Variants in METTL15 observed in about 807,000 individuals in gnomAD.
METTL15 encodes the protein 12S rRNA N(4)-cytidine methyltransferase METTL15.
METTL15 carries 34 observed loss-of-function variants against 38.3 expected under a neutral mutation model. That is an observed-to-expected ratio of 0.89 (90% confidence interval 0.68 to 1.18). METTL15 has a LOEUF of 1.18. Ranked by LOEUF, METTL15 falls within the 50% of genes most tolerant of loss-of-function variation. The pLI, the probability that METTL15 is intolerant of heterozygous loss-of-function variation, is 0.00. For synonymous variants in METTL15, 162 were observed against 170.9 expected (o/e 0.95, Z 0.41); for missense variants, 438 against 498.4 (o/e 0.88, Z 1.15).
At chr11:28,467,076 A>G (rs1015975832) in intron 6 of METTL15, among the ~76,000 whole-genome samples, 1 of 152,092 alleles carries the variant, frequency 6.6e-6, no homozygotes, top group African/African-American at 2.4e-5. Flanking sequence ...CTCCCTACAT[A>G]TCGTTTTAAA....
At position 28,130,048 on chromosome 11, in the gene METTL15, G is replaced by A. The variant is rs561552819; in HGVS notation, c.270+16444G>A. Reference sequence around the variant, plus strand: ...TACCAGGCTTGGCATGGTGGCTCACGCATATAATCCCAGCCCTTTGAGAGG... The same window carrying A: ...TACCAGGCTTGGCATGGTGGCTCACACATATAATCCCAGCCCTTTGAGAGG... On this transcript the variant is annotated intron_variant, in intron 3 of 6. Coordinates refer to ENST00000407364, the MANE Select transcript of METTL15 (RefSeq NM_001113528.2). 2.6e-5 allele frequency among the ~76,000 whole-genome samples: 4 copies of A among 152,210 alleles called. No individual in the cohort carries two copies. In the South Asian group the frequency reaches 8.3e-4, roughly 32 times the overall value.
intron 6 of METTL15, among the ~76,000 whole-genome samples, chr11:28,455,766 G>A (rs944214339): frequency 5.9e-5 from 9 of 152,032 alleles, no homozygotes; most frequent in Non-Finnish European, 1.3e-4. Flanking sequence ...GAGTTCACTG[G>A]TGCTATCTCG....
At chr11:28,266,977 T>G (rs2133949801) in intron 4 of METTL15, among the ~76,000 whole-genome samples, 1 of 152,000 alleles carries the variant, frequency 6.6e-6, no homozygotes, top group South Asian at 2.1e-4. Flanking sequence ...CTGGCCAACA[T>G]GGTGAAACCC....
rs1177003465 is a variant in METTL15 at position 28,331,408 on chromosome 11, T to A, written c.*567T>A. The A allele has an allele frequency of 6.6e-6, 1 of 151,598 alleles. No individual in the cohort carries two copies. The highest frequency in any genetic ancestry group is 1.5e-5 in the Non-Finnish European group (1 of 67,854). The allele number at this position is 151,598 out of a possible 1,614,324, so 9.4% of individuals were successfully genotyped here. A position where few individuals can be genotyped will look rare whatever the true frequency, so the allele number is the denominator to read the frequency against. ...TCATCTTTCAAATTATAGTCTATTATTTTAAAGGGATTTTTCAGTATGATA... is the reference window on the plus strand; with the variant it reads ...TCATCTTTCAAATTATAGTCTATTAATTTAAAGGGATTTTTCAGTATGATA... On this transcript the variant is annotated 3_prime_UTR_variant, in exon 7 of 7. Coordinates refer to ENST00000407364, the MANE Select transcript of METTL15 (RefSeq NM_001113528.2).
At chr11:28,222,894 GACA>G (rs1853306622) in intron 4 of METTL15, among the ~76,000 whole-genome samples, 1 of 152,156 alleles carries the variant, frequency 6.6e-6, no homozygotes, top group East Asian at 1.9e-4. Flanking sequence ...CTAGAGAGAA[GACA>G]ACAAAACATA....
chr11:28,254,466 G>C (rs536172828), intron 4 of METTL15, among the ~76,000 whole-genome samples: 1 of 152,032 alleles, frequency 6.6e-6, no homozygotes, highest in Admixed American at 6.6e-5. Flanking sequence ...ATACTTTGCT[G>C]TGCAGAAGCT....
intron 6 of METTL15, among the ~76,000 whole-genome samples, chr11:28,483,297 G>A (rs1274956235): frequency 6.6e-6 from 1 of 152,130 alleles, no homozygotes; most frequent in East Asian, 1.9e-4. Flanking sequence ...TGACTCATGG[G>A]CCTGATGTCG....
rs181340976 is a variant in METTL15 at position 28,348,063 on chromosome 11, A to G, written c.*190-4027A>G. ...TCCTATGAGATTGCACATGATATCT[A>G]TGTGTCCCATTACTGATGGTGTTTG... is the stretch of plus-strand genomic sequence containing the variant. On this transcript the variant is annotated intron_variant and NMD_transcript_variant, in intron 3 of 7. Coordinates refer to the METTL15 transcript ENST00000532947. Among the ~76,000 whole-genome samples the G allele has an allele frequency of 6.7e-4, 102 of 152,284 alleles. 1 individual carries two copies. Among genetic ancestry groups the G allele is most frequent in the Middle Eastern group, 3.4e-3 (1 of 294 alleles).
At position 28,368,273 on chromosome 11, in the gene METTL15, A is replaced by G. The variant is rs570700958; in HGVS notation, c.*358+6237A>G. Among the ~76,000 whole-genome samples, 3 of 152,286 alleles carry G rather than the reference A, an allele frequency of 2.0e-5. No homozygotes were observed. In the East Asian group the frequency reaches 5.8e-4, roughly 29 times the overall value. Reference sequence around the variant, plus strand: ...TCCATCTGACAAAGGGCTAATATCCAGAACCTACAAAGAACTTAAACAAAT... The same window carrying G: ...TCCATCTGACAAAGGGCTAATATCCGGAACCTACAAAGAACTTAAACAAAT... On this transcript the variant is annotated intron_variant and NMD_transcript_variant, in intron 5 of 7. Transcript: ENST00000532947.
chr11:28,423,773 G>A (rs1408924171), intron 5 of METTL15, among the ~76,000 whole-genome samples: 1 of 151,976 alleles, frequency 6.6e-6, no homozygotes, highest in Non-Finnish European at 1.5e-5. Flanking sequence ...TGGAAAGAAT[G>A]AGTAAGACCT....
intron 6 of METTL15, among the ~76,000 whole-genome samples, chr11:28,313,700 A>G (rs1857384488): frequency 6.6e-6 from 1 of 151,858 alleles, no homozygotes; most frequent in African/African-American, 2.4e-5. Context: ...CTATTTTATT[A>G]TATTACTTAA....
intron 5 of METTL15, among the ~76,000 whole-genome samples, chr11:28,408,342 A>G (rs1182500295): frequency 1.3e-5 from 2 of 152,084 alleles, no homozygotes; most frequent in Non-Finnish European, 2.9e-5. Flanking sequence ...AAAAACAACA[A>G]CAACAACAAC....
At chr11:28,416,500 G>T (rs1408471142) in intron 5 of METTL15, among the ~76,000 whole-genome samples, 7 of 152,172 alleles carry the variant, frequency 4.6e-5, no homozygotes, top group Non-Finnish European at 8.8e-5. Context: ...CCATGTAAAG[G>T]TTCTGAAGTC....
At chr11:28,396,214 A>G (rs984704740) in intron 5 of METTL15, among the ~76,000 whole-genome samples, 19 of 152,298 alleles carry the variant, frequency 1.2e-4, no homozygotes, top group African/African-American at 3.1e-4. Flanking sequence ...CACCACTCCT[A>G]TTCAACGTAG....
At chr11:28,352,470 G>T (rs1850050105) in intron 4 of METTL15, among the ~76,000 whole-genome samples, 2 of 152,230 alleles carry the variant, frequency 1.3e-5, no homozygotes, top group South Asian at 4.2e-4. Context: ...AACAGCAAAG[G>T]CTTAGAAGTA....
intron 5 of METTL15, among the ~76,000 whole-genome samples, chr11:28,404,771 G>A (rs1018435412): frequency 6.6e-6 from 1 of 152,070 alleles, no homozygotes; most frequent in African/African-American, 2.4e-5. Flanking sequence ...AGATGAGCAA[G>A]GCCCCTGATC....
intron 4 of METTL15, among the ~76,000 whole-genome samples, chr11:28,214,365 A>G (rs1200050499): frequency 6.6e-6 from 1 of 152,174 alleles, no homozygotes; most frequent in Non-Finnish European, 1.5e-5. Flanking sequence ...ATAGTATAAA[A>G]AGGAAAAAGG....
intron 5 of METTL15, among the ~76,000 whole-genome samples, chr11:28,376,080 C>G (rs1850307783): frequency 6.6e-6 from 1 of 152,014 alleles, no homozygotes; most frequent in Non-Finnish European, 1.5e-5. Flanking sequence ...GAGTGCTTTA[C>G]TTCCAAGTAT....
chr11:28,290,443 G>A (rs1467246456), intron 5 of METTL15, 46 bp downstream of exon 5: 1 of 1,538,284 alleles, frequency 6.5e-7, no homozygotes, highest in South Asian at 1.2e-5. Flanking sequence ...AAATCAATTT[G>A]TCAAAAACAC....
Sources: allele counts gnomAD v4.1 joint callset (sites outside exome capture counted in the v4.1 genomes callset), GRCh38; gene constraint gnomAD v4.1.1; transcripts MANE v1.5; gene names NCBI Gene and HGNC (gene_info 2026-07-23, HGNC 2026-07-21).